TYW1B: variants seen among roughly 807,000 people sequenced by gnomAD.
The protein encoded by TYW1B is tRNA-yW synthesizing protein 1 homolog B, also known as S-adenosyl-L-methionine-dependent tRNA 4-demethylwyosine synthase TYW1B.
TYW1B carries 73 observed loss-of-function variants against 86.9 expected under a neutral mutation model. That is an observed-to-expected ratio of 0.84 (90% CI 0.70 to 1.02). The LOEUF is 1.02. TYW1B is among the 50% of genes least tolerant of loss of function. The pLI is 0.00. For missense variants in TYW1B, 637 were observed against 827.4 expected (o/e 0.77, Z 2.82); for synonymous variants, 248 against 292.8 (o/e 0.85, Z 1.56).
intron 6 of TYW1B, among the ~76,000 whole-genome samples, chr7:72,796,669 T>A (rs1246710155): frequency 1.3e-5 from 2 of 150,784 alleles, no homozygotes; most frequent in South Asian, 2.1e-4. Flanking sequence ...CAGGTGTCCA[T>A]AAGTCTCTGA....
At chr7:72,730,870 T>G (rs1787091101) in intron 8 of TYW1B, among the ~76,000 whole-genome samples, 1 of 149,578 alleles carries the variant, frequency 6.7e-6, no homozygotes, top group Admixed American at 6.7e-5. Context: ...TCCCACATTT[T>G]GGGAGAGATA....
chr7:72,827,703 G>A (rs1554481698), intron 1 of TYW1B, among the ~76,000 whole-genome samples: 1 of 152,038 alleles, frequency 6.6e-6, no homozygotes, highest in East Asian at 1.9e-4. Flanking sequence ...AGATTCTCAA[G>A]TAACTGACCT....
chr7:72,807,665 T>C (rs1788524142), intron 4 of TYW1B, among the ~76,000 whole-genome samples: 3 of 152,148 alleles, frequency 2.0e-5, no homozygotes, highest in Non-Finnish European at 4.4e-5. Context: ...TATATCATGA[T>C]AAGAACAAAA....
At chr7:72,606,315 T>G (rs1447330799) in intron 13 of TYW1B, among the ~76,000 whole-genome samples, 1 of 152,160 alleles carries the variant, frequency 6.6e-6, no homozygotes, top group Non-Finnish European at 1.5e-5. Context: ...AAAACGGGCC[T>G]CATTCCCATC....
chr7:72,606,490 G>A (rs1489063219), intron 13 of TYW1B, among the ~76,000 whole-genome samples: 1 of 151,962 alleles, frequency 6.6e-6, no homozygotes, highest in Non-Finnish European at 1.5e-5. Context: ...TACACAGAAA[G>A]CCTGGACTTT....
chr7:72,594,142 G>A (rs1811471388), intron 13 of TYW1B, among the ~76,000 whole-genome samples: 1 of 151,628 alleles, frequency 6.6e-6, no homozygotes, highest in Admixed American at 6.6e-5. Flanking sequence ...AAAGCTAGCA[G>A]AAGGAAATAA....
At chr7:72,693,410 T>C (rs1256251754) in intron 11 of TYW1B, among the ~76,000 whole-genome samples, 1 of 8,468 alleles carries the variant, frequency 1.2e-4, no homozygotes, top group African/African-American at 3.0e-4. Flanking sequence ...TGCAGACATC[T>C]TTTTTTTTTT....
At chr7:72,721,738 T>C (rs1786908159) in intron 9 of TYW1B, among the ~76,000 whole-genome samples, 1 of 152,164 alleles carries the variant, frequency 6.6e-6, no homozygotes, top group Non-Finnish European at 1.5e-5. Context: ...CTCTGCTTTG[T>C]TATTCTAGTT....
intron 6 of TYW1B, among the ~76,000 whole-genome samples, chr7:72,795,111 T>C (rs57253097): frequency 0.69 from 104,227 of 151,792 alleles, 36,724 homozygotes; most frequent in Non-Finnish European, 0.77. Context: ...CAATTCAGCA[T>C]GCCCGGCCTC....
At chr7:72,693,584 G>A (rs776391168) in intron 11 of TYW1B, among the ~76,000 whole-genome samples, 5 of 151,636 alleles carry the variant, frequency 3.3e-5, no homozygotes, top group African/African-American at 7.3e-5. Flanking sequence ...TGGTAGAGAC[G>A]GGGTTTTGCC....
At chr7:72,757,879 G>C (rs1177147302) in intron 7 of TYW1B, among the ~76,000 whole-genome samples, 1 of 152,152 alleles carries the variant, frequency 6.6e-6, no homozygotes, top group Non-Finnish European at 1.5e-5. Flanking sequence ...GATCTTTGTA[G>C]CTAAGAATAA....
intron 6 of TYW1B, among the ~76,000 whole-genome samples, chr7:72,781,198 C>T (rs1416069105): frequency 7.9e-5 from 12 of 152,130 alleles, no homozygotes; most frequent in African/African-American, 2.2e-4. Context: ...GTGTGCCCAA[C>T]GCGTGATACC....
chr7:72,687,339 C>G (rs540683775), intron 11 of TYW1B, among the ~76,000 whole-genome samples: 1 of 152,272 alleles, frequency 6.6e-6, no homozygotes, highest in African/African-American at 2.4e-5. Flanking sequence ...GGAGCTGAGA[C>G]AGGATAATCA....
At position 72,694,648 on chromosome 7, in the gene TYW1B, A is replaced by T. The variant is rs782062522; in HGVS notation, c.1506+39T>A. The T allele has an allele frequency of 1.2e-5, 19 of 1,577,098 alleles. No individual in the cohort carries two copies. The Admixed American group carries it at 1.8e-4, about 15-fold the overall frequency. Reference sequence around the variant, plus strand: ...TCTTCTTAACTTCAGTACACACCTGAGGGTTGTTTATTTATTTTTAAGATG... The same window carrying T: ...TCTTCTTAACTTCAGTACACACCTGTGGGTTGTTTATTTATTTTTAAGATG... On this transcript the variant is annotated intron_variant, in intron 11 of 13. Coordinates refer to ENST00000620995, the MANE Select transcript of TYW1B (RefSeq NM_001145440.3).
intron 7 of TYW1B, among the ~76,000 whole-genome samples, chr7:72,770,310 G>T (rs59027794): frequency 0.69 from 103,760 of 150,200 alleles, 36,728 homozygotes; most frequent in Non-Finnish European, 0.77. Flanking sequence ...GCGCCTGTAG[G>T]CCCAGCTACT....
At chr7:72,593,303 AAAAG>A (rs375478030) in intron 13 of TYW1B, among the ~76,000 whole-genome samples, 2 of 143,366 alleles carry the variant, frequency 1.4e-5, no homozygotes, top group Non-Finnish European at 3.0e-5. Flanking sequence ...CAAAAAAAGA[AAAAG>A]AAAGAAAGAA....
At chr7:72,734,268 A>AAAAAAAAAAAAAAAAAAAAAAAAAAC (rs56806378) in intron 8 of TYW1B, among the ~76,000 whole-genome samples, 1 of 98,094 alleles carries the variant, frequency 1.0e-5, no homozygotes, top group Admixed American at 1.2e-4. Context: ...AAAAAAAAAA[A>AAAAAAAAAAAAAAAAAAAAAAAAAAC]ACACAACAAA....
intron 10 of TYW1B, among the ~76,000 whole-genome samples, chr7:72,704,183 C>A (rs1563065284): frequency 6.6e-6 from 1 of 152,102 alleles, no homozygotes; most frequent in Non-Finnish European, 1.5e-5. Context: ...CCTGTAATCC[C>A]AGCACTCTGG....
chr7:72,791,605 G>C (rs575519880), intron 6 of TYW1B, among the ~76,000 whole-genome samples: 1 of 151,916 alleles, frequency 6.6e-6, no homozygotes, highest in Admixed American at 6.6e-5. Context: ...GTGAAACCTC[G>C]TCTCTACTAA....
Sources: allele counts gnomAD v4.1 joint callset (sites outside exome capture counted in the v4.1 genomes callset), GRCh38; gene constraint gnomAD v4.1.1; transcripts MANE v1.5; gene names NCBI Gene and HGNC (gene_info 2026-07-23, HGNC 2026-07-21).